SSBP3: variants seen among roughly 807,000 people sequenced by gnomAD.
SSBP3 encodes single stranded DNA binding protein 3.
In SSBP3, 5 loss-of-function variants were observed where a neutral mutation model predicts 69.6. That is an observed-to-expected ratio of 0.07 (90% CI 0.04 to 0.15). The LOEUF is 0.15. SSBP3 is among the 10% of genes least tolerant of loss of function. The probability of loss-of-function intolerance (pLI) is 1.00; values close to 1 mark genes in which losing one functional copy is unlikely to be tolerated. For synonymous variants in SSBP3, 196 were observed against 193.4 expected (o/e 1.01, Z -0.11); for missense variants, 312 against 534.0 (o/e 0.58, Z 4.10).
intron 5 of SSBP3, among the ~76,000 whole-genome samples, chr1:54,269,355 G>A (rs377225203): frequency 6.6e-6 from 1 of 152,160 alleles, no homozygotes; most frequent in African/African-American, 2.4e-5. Context: ...GAAGACAGGG[G>A]CCAGGTCTCT....
At chr1:54,253,672 T>C (rs892176121) in intron 7 of SSBP3, among the ~76,000 whole-genome samples, 8 of 152,312 alleles carry the variant, frequency 5.3e-5, no homozygotes, top group Admixed American at 1.3e-4. Context: ...TGGGGGTTTG[T>C]GGTTTTTATA....
chr1:54,385,622 TCTTA>T (rs1205633927), intron 4 of SSBP3, among the ~76,000 whole-genome samples: 4 of 152,218 alleles, frequency 2.6e-5, no homozygotes, highest in East Asian at 1.9e-4. Context: ...ATTCCACTCC[TCTTA>T]CTTATTCGTG....
intron 4 of SSBP3, among the ~76,000 whole-genome samples, chr1:54,319,060 A>G (rs566679049): frequency 6.6e-6 from 1 of 152,278 alleles, no homozygotes; most frequent in South Asian, 2.1e-4. Flanking sequence ...CAGCTGCAGC[A>G]GACCACGCTC....
At chr1:54,324,440 A>G (rs1024034082) in intron 4 of SSBP3, among the ~76,000 whole-genome samples, 2 of 151,004 alleles carry the variant, frequency 1.3e-5, no homozygotes, top group Non-Finnish European at 3.0e-5. Flanking sequence ...ACCCCTACAG[A>G]ACACTTCACT....
At chr1:54,310,619 TG>T (rs1216895140) in intron 4 of SSBP3, among the ~76,000 whole-genome samples, 1 of 136,636 alleles carries the variant, frequency 7.3e-6, no homozygotes, top group East Asian at 2.4e-4. Flanking sequence ...CAGTTTTAAT[TG>T]GGGTAAGTGG....
intron 14 of SSBP3, chr1:54,237,957 C>T (rs113556489): frequency 0.079 from 28,702 of 364,588 alleles, 1,716 homozygotes; most frequent in South Asian, 0.19. Context: ...CATTTCCATC[C>T]GATGCTACAA....
At chr1:54,261,474 A>T (rs1277963264) in intron 5 of SSBP3, among the ~76,000 whole-genome samples, 1 of 152,196 alleles carries the variant, frequency 6.6e-6, no homozygotes, top group East Asian at 1.9e-4. Flanking sequence ...CTTTGGTGGG[A>T]CGGGGGCCGC....
chr1:54,228,922 T>A, intron 14 of SSBP3, 96 bp from the exon 15 acceptor site: 2 of 1,312,460 alleles, frequency 1.5e-6, no homozygotes, highest in Non-Finnish European at 2.1e-6. Flanking sequence ...GTCCTGGCCC[T>A]GGGGAACCCC....
intron 4 of SSBP3, among the ~76,000 whole-genome samples, chr1:54,373,011 C>T (rs976729165): frequency 3.3e-5 from 5 of 152,210 alleles, no homozygotes; most frequent in Non-Finnish European, 5.9e-5. Flanking sequence ...TATAATTTCC[C>T]CATGGCTGGG....
rs200467921 is a variant in SSBP3 at position 54,263,969 on chromosome 1, TAAAACC to T, written c.367-5826_367-5821del. On this transcript the variant is annotated intron_variant, in intron 5 of 17. Coordinates refer to ENST00000610401, the Ensembl canonical transcript of SSBP3. Reference sequence around the variant, plus strand: ...TGGAGCTGGATGGAAGATAGCTCCTTAAAACCAAAACCAAAACCAAAACAAAAACAA... The same window carrying T: ...TGGAGCTGGATGGAAGATAGCTCCTTAAAACCAAAACCAAAACAAAAACAA... 7.1e-3 allele frequency among the ~76,000 whole-genome samples: 1,086 copies of T among 152,306 alleles called. 13 individuals are homozygous for T. The highest frequency in any genetic ancestry group is 0.025 in the African/African-American group (1,029 of 41,568).
intron 4 of SSBP3, among the ~76,000 whole-genome samples, chr1:54,376,204 G>A (rs940965530): frequency 4.0e-5 from 6 of 151,816 alleles, no homozygotes; most frequent in African/African-American, 9.7e-5. Context: ...GTGTGTGTGT[G>A]TGTGTTTGTC....
chr1:54,315,826 T>A (rs1400884644), intron 4 of SSBP3, among the ~76,000 whole-genome samples: 1 of 152,114 alleles, frequency 6.6e-6, no homozygotes, highest in East Asian at 1.9e-4. Context: ...TATGCCCAGC[T>A]GATTTTTTTT....
At chr1:54,386,978 C>T (rs950132476) in intron 4 of SSBP3, among the ~76,000 whole-genome samples, 1 of 152,076 alleles carries the variant, frequency 6.6e-6, no homozygotes, top group Non-Finnish European at 1.5e-5. Flanking sequence ...CTCCCCCTGA[C>T]CCTCCACACC....
chr1:54,275,712 T>C (rs144044675), intron 5 of SSBP3, among the ~76,000 whole-genome samples: 3 of 152,240 alleles, frequency 2.0e-5, no homozygotes, highest in African/African-American at 7.2e-5. Context: ...GACAGAAATG[T>C]CTTCCATACA....
At chr1:54,404,266 T>C (rs1649530135) in intron 3 of SSBP3, among the ~76,000 whole-genome samples, 1 of 152,152 alleles carries the variant, frequency 6.6e-6, no homozygotes, top group Non-Finnish European at 1.5e-5. Context: ...ACATGCAGAA[T>C]TGACAAAAAT....
At chr1:54,291,249 A>G (rs1212775048) in intron 4 of SSBP3, among the ~76,000 whole-genome samples, 1 of 152,190 alleles carries the variant, frequency 6.6e-6, no homozygotes, top group Admixed American at 6.5e-5. Flanking sequence ...AGTGAGCATC[A>G]AATTTAGTGG....
chr1:54,320,969 G>A (rs574521465), intron 4 of SSBP3, among the ~76,000 whole-genome samples: 3 of 152,322 alleles, frequency 2.0e-5, no homozygotes, highest in South Asian at 2.1e-4. Context: ...ATAACCTGGA[G>A]CTCAGTTGCA....
At chr1:54,295,718 C>T (rs896830681) in intron 4 of SSBP3, among the ~76,000 whole-genome samples, 3 of 152,164 alleles carry the variant, frequency 2.0e-5, no homozygotes, top group African/African-American at 7.2e-5. Flanking sequence ...CCCATTCCAA[C>T]CTCCCCCTTT....
At chr1:54,325,223 G>T in intron 4 of SSBP3, 1 of 156,948 alleles carries the variant, frequency 6.4e-6, no homozygotes. Context: ...GTGCCTTTCG[G>T]TATTGTAGCT....
Sources: gnomAD v4.1 joint callset for allele counts (sites outside exome capture counted in the v4.1 genomes callset) on GRCh38, gnomAD v4.1.1 for gene constraint, MANE v1.5 for transcripts, NCBI Gene and HGNC (gene_info 2026-07-23, HGNC 2026-07-21) for gene names.